The following TBCD variants were observed in gnomAD, a reference collection of about 807,000 sequenced individuals.
TBCD encodes the protein tubulin folding cofactor D.
TBCD carries 105 observed loss-of-function variants against 169.3 expected under a neutral mutation model. That is an observed-to-expected ratio of 0.62 (90% CI 0.53 to 0.73). TBCD has a LOEUF of 0.73. Among genes scored for constraint, TBCD ranks in the 30% least tolerant of loss-of-function variants. The probability of loss-of-function intolerance (pLI) is 0.00; values close to 1 mark genes in which losing one functional copy is unlikely to be tolerated. For missense variants in TBCD, 1,444 were observed against 1,600.1 expected, an observed-to-expected ratio of 0.90 and a Z score of 1.66; for synonymous variants, 700 against 643.9, an observed-to-expected ratio of 1.09 and a Z score of -1.32.
At position 82,789,766 on chromosome 17, in the gene TBCD, G is replaced by A. The variant is rs896162004; in HGVS notation, c.772-7991G>A. 3.9e-5 allele frequency among the ~76,000 whole-genome samples: 6 copies of A among 152,110 alleles called. No homozygotes were observed. Among genetic ancestry groups the A allele is most frequent in the Non-Finnish European group, 7.4e-5 (5 of 68,020 alleles). On this transcript the variant is annotated intron_variant, in intron 7 of 38. Transcript: ENST00000355528. The surrounding 1 kb of genome is among the most constrained non-coding windows in gnomAD (Gnocchi z 4.8). Reference sequence around the variant, plus strand: ...CTTTATTACCTGATTTCTGTCCTTGGTTCTCGAGCCCTCCTTCTGTGGACC... The same window carrying A: ...CTTTATTACCTGATTTCTGTCCTTGATTCTCGAGCCCTCCTTCTGTGGACC...
chr17:82,808,034 T>C (rs2051110178), intron 11 of TBCD, among the ~76,000 whole-genome samples: 1 of 152,196 alleles, frequency 6.6e-6, no homozygotes, highest in Non-Finnish European at 1.5e-5. Context: ...CCCTCTTTTG[T>C]GGGGTGAGCA....
chr17:82,899,938 T>A (rs1277826106), intron 17 of TBCD, among the ~76,000 whole-genome samples: 1 of 152,236 alleles, frequency 6.6e-6, no homozygotes, highest in Non-Finnish European at 1.5e-5. Context: ...TGTACAAATT[T>A]TGTATCAATT....
chr17:82,758,404 T>TAA (rs1312618695), intron 2 of TBCD, among the ~76,000 whole-genome samples: 4 of 79,428 alleles, frequency 5.0e-5, no homozygotes, highest in Middle Eastern at 7.8e-3. Flanking sequence ...AAAAAAAAAA[T>TAA]AAATAAATAA....
chr17:82,921,046 G>GA, intron 24 of TBCD: 1 of 261,130 alleles, frequency 3.8e-6, no homozygotes, highest in South Asian at 5.5e-5. Flanking sequence ...ACAGTGAAGG[G>GA]AGCCCCCAGG....
chr17:82,890,755 C>A lies in TBCD; in HGVS notation c.1563+1058C>A, dbSNP rs1334753016. On this transcript the variant is annotated intron_variant, in intron 16 of 38. Transcript: ENST00000355528. This position sits in a 1 kb window ranked among gnomAD's most constrained non-coding sequence, Gnocchi z 5.3. The stretch of plus-strand genomic sequence containing the variant: ...CCGTGGGGCCTGCATGTGTTCAGAG[C>A]CCTGAGCCCTGGTCGGAGCCAGTTC... 6.6e-6 allele frequency among the ~76,000 whole-genome samples: 1 copy of A among 152,188 alleles called. No homozygotes were observed. The highest frequency in any genetic ancestry group is 1.5e-5 in the Non-Finnish European group (1 of 68,026).
In TBCD at chr17:82,942,793, C is replaced by T. The variant is rs1568120312; in HGVS notation, c.*330C>T. 2.3e-6 allele frequency: 1 copy of T among 443,208 alleles called. No individual in the cohort carries two copies. Among genetic ancestry groups the T allele is most frequent in the South Asian group, 3.1e-5 (1 of 32,682 alleles). The allele number at this position is 443,208 out of a possible 1,614,324, so 27.5% of individuals were successfully genotyped here. ...GGTCAGCCAGAGGGGAGGTGGGCTG[C>T]ACTCCTCCTGCCTGGAGACCAGGCC... is the stretch of plus-strand genomic sequence containing the variant. On this transcript the variant is annotated 3_prime_UTR_variant, in exon 39 of 39. Transcript: ENST00000355528.
chr17:82,941,250 G>A (rs1038045889), intron 37 of TBCD, 149 bp from the exon 38 acceptor site: 12 of 643,268 alleles, frequency 1.9e-5, no homozygotes, highest in Middle Eastern at 3.4e-4. Context: ...CTCCTGTGAC[G>A]TCTTTTCTGC....
chr17:82,927,032 A>G (rs1298945082), intron 28 of TBCD, 154 bp from the exon 29 acceptor site: 3 of 1,035,476 alleles, frequency 2.9e-6, no homozygotes, highest in Non-Finnish European at 4.1e-6. Flanking sequence ...CGTTCCATAC[A>G]TGTGGAAGGA....
intron 30 of TBCD, among the ~76,000 whole-genome samples, chr17:82,928,587 C>T (rs1039527576): frequency 2.6e-5 from 4 of 151,702 alleles, no homozygotes; most frequent in African/African-American, 4.8e-5. Flanking sequence ...GGGTCTCTGT[C>T]GGGGGCACTG....
At chr17:82,847,214 G>A (rs538349988) in intron 13 of TBCD, among the ~76,000 whole-genome samples, 41 of 152,172 alleles carry the variant, frequency 2.7e-4, no homozygotes, top group Admixed American at 7.8e-4. Flanking sequence ...TTAGCTGGGC[G>A]TGGTGGTGGG....
Position 82,927,327 on chromosome 17 carries a change from C to T in TBCD, c.2609+4C>T, listed in dbSNP as rs112325423. 2.5e-4 allele frequency: 401 copies of T among 1,613,330 alleles called. 4 individuals carry two copies. The African/African-American group carries it at 2.9e-3, about 12-fold the overall frequency. On this transcript the variant is annotated splice_donor_region_variant and intron_variant, in intron 29 of 38. Coordinates refer to ENST00000355528, the MANE Select transcript of TBCD (RefSeq NM_005993.5). ...GCAGAGGGGACGTGGGCACCTGGTA[C>T]GTACGTAGCAGTGGGTGAGCGCTTC... is the stretch of plus-strand genomic sequence containing the variant.
chr17:82,868,801 G>A (rs1039278228), intron 13 of TBCD, among the ~76,000 whole-genome samples: 4 of 152,198 alleles, frequency 2.6e-5, no homozygotes, highest in Non-Finnish European at 4.4e-5. Flanking sequence ...GCAGATAACC[G>A]GCCTCTCATG....
intron 13 of TBCD, among the ~76,000 whole-genome samples, chr17:82,824,067 A>G (rs1288635498): frequency 1.3e-5 from 2 of 152,022 alleles, no homozygotes; most frequent in Non-Finnish European, 2.9e-5. Flanking sequence ...ATTTAGCATC[A>G]TGTTTTCAAG....
At chr17:82,774,472 A>T (rs896835527) in intron 6 of TBCD, among the ~76,000 whole-genome samples, 63 of 152,316 alleles carry the variant, frequency 4.1e-4, no homozygotes, top group Non-Finnish European at 6.2e-4. Context: ...ACAGTAACAA[A>T]CTGATGTCTC....
Position 82,930,146 on chromosome 17 carries a change from C to G in TBCD, c.2992-376C>G. 6.9e-6 allele frequency: 2 copies of G among 290,458 alleles called. No individual in the cohort carries two copies. The highest frequency in any genetic ancestry group is 1.3e-5 in the Non-Finnish European group (2 of 151,496). The allele number at this position is 290,458 out of a possible 1,614,324, so 18.0% of individuals were successfully genotyped here. A position where few individuals can be genotyped will look rare whatever the true frequency, so the allele number is the denominator to read the frequency against. Reference sequence around the variant, plus strand: ...GCCGTGCGGGCGCGTGCGGGGAGACCCGGGCCACATGCGAGCGGGGCCCCG... The same window carrying G: ...GCCGTGCGGGCGCGTGCGGGGAGACGCGGGCCACATGCGAGCGGGGCCCCG... On this transcript the variant is annotated intron_variant, in intron 32 of 38. Coordinates refer to ENST00000355528, the MANE Select transcript of TBCD (RefSeq NM_005993.5). The surrounding 1 kb of genome is among the most constrained non-coding windows in gnomAD (Gnocchi z 5.2).
At position 82,930,127 on chromosome 17, in the gene TBCD, CG is replaced by C. The variant is rs1319590041; in HGVS notation, c.2992-392del. 1.1e-5 allele frequency: 3 copies of C among 277,758 alleles called. No homozygotes were observed. Among genetic ancestry groups the C allele is most frequent in the East Asian group, 9.5e-5 (1 of 10,508 alleles). The allele number at this position is 277,758 out of a possible 1,614,324, so 17.2% of individuals were successfully genotyped here. On this transcript the variant is annotated intron_variant, in intron 32 of 38. Transcript: ENST00000355528. This position sits in a 1 kb window ranked among gnomAD's most constrained non-coding sequence, Gnocchi z 5.2. ...GACGTGAGGTGCCCTCTGCGCCGTGCGGGCGCGTGCGGGGAGACCCGGGCCA... is the reference window on the plus strand; with the variant it reads ...GACGTGAGGTGCCCTCTGCGCCGTGCGGCGCGTGCGGGGAGACCCGGGCCA...
chr17:82,908,681 A>G (rs576997494), intron 21 of TBCD, among the ~76,000 whole-genome samples: 5 of 152,358 alleles, frequency 3.3e-5, no homozygotes, highest in South Asian at 4.1e-4. Flanking sequence ...GCATGGCTGC[A>G]GAGTGCAGAC....
intron 14 of TBCD, among the ~76,000 whole-genome samples, chr17:82,879,059 CTTTTT>C (rs58480407): frequency 1.4e-4 from 16 of 113,976 alleles, no homozygotes; most frequent in African/African-American, 3.7e-4. Flanking sequence ...AGATCCTGTT[CTTTTT>C]TTTTTTTTTT....
rs1026336168 is a variant in TBCD, at chr17:82,752,252, C to T, written c.59C>T (p.Thr20Ile). 8 of 1,524,676 alleles carry T rather than the reference C, an allele frequency of 5.2e-6. No individual in the cohort carries two copies. The highest frequency in any genetic ancestry group is 1.4e-5 in the African/African-American group (1 of 69,816). The allele number at this position is 1,524,676 out of a possible 1,614,324, so 94.4% of individuals were successfully genotyped here. A position where few individuals can be genotyped will look rare whatever the true frequency, so the allele number is the denominator to read the frequency against. The change falls in exon 1 of 39, where the codon ACA (threonine) becomes ATA (isoleucine). Residue 20 changes from threonine to isoleucine, a missense_variant. Transcript: ENST00000355528. ...GGPEEEAEDE[T>I]LAFGAALEAF... ...CCCGAGGAGGAGGCGGAGGACGAGA[C>T]ACTGGCCTTTGGCGCGGCGCTGGAA...
Sources: gnomAD v4.1 joint callset for allele counts (sites outside exome capture counted in the v4.1 genomes callset) on GRCh38, gnomAD v4.1.1 for gene constraint, Gnocchi (gnomAD v3.1) non-coding constraint, MANE v1.5 for transcripts, NCBI Gene and HGNC (gene_info 2026-07-23, HGNC 2026-07-21) for gene names.